SMG1: variants seen among roughly 807,000 people sequenced by gnomAD.
SMG1 encodes the protein serine/threonine-protein kinase SMG1.
A neutral mutation model predicts 419.9 loss-of-function variants in SMG1; 22 were observed. The observed-to-expected ratio is 0.05, with a 90% CI of 0.04 to 0.07. The LOEUF is 0.07. Ranked by LOEUF, SMG1 falls within the 10% of genes least tolerant of loss-of-function variation. The pLI is 1.00. For missense variants in SMG1, 3,185 were observed against 4,342.0 expected, an observed-to-expected ratio of 0.73 and a Z score of 7.49; for synonymous variants, 1,538 against 1,553.5, an observed-to-expected ratio of 0.99 and a Z score of 0.23.
At chr16:18,903,984 C>A (rs2037454952) in intron 1 of SMG1, among the ~76,000 whole-genome samples, 1 of 132,440 alleles carries the variant, frequency 7.6e-6, no homozygotes. Context: ...GTCGCGCAGG[C>A]TGAAGTGCGG....
In SMG1 at chr16:18,868,530, G is replaced by C. The variant is rs1324375790; in HGVS notation, c.3023C>G (p.Pro1008Arg). ...TATCTCATGGAAACCAACCTTGGGA[G>C]GTGAAGTTAATGCATTAGCACATCC... is the stretch of plus-strand genomic sequence containing the variant. ...YEGCANALTS[P>R]PKVIRTFFYT... Residue 1008 changes from proline (P) to arginine (R), a missense_variant, in exon 21 of 63, where the codon CCT becomes CGT. Pro to Arg is a moderately radical substitution (Grantham distance 103, BLOSUM62 -2). This residue lies in a region of SMG1 where 70 missense variants were observed against 185.7 expected (regional missense o/e 0.38). Coordinates refer to ENST00000446231, the MANE Select transcript of SMG1 (RefSeq NM_015092.5). 6.3e-7 allele frequency: 1 copy of C among 1,581,798 alleles called. No homozygotes were observed. The highest frequency in any genetic ancestry group is 1.7e-5 in the Admixed American group (1 of 59,940).
At chr16:18,907,845 C>CAAAAAAA (rs71141092) in intron 1 of SMG1, among the ~76,000 whole-genome samples, 8 of 54,960 alleles carry the variant, frequency 1.5e-4, no homozygotes, top group African/African-American at 2.6e-4. Flanking sequence ...GAACGAGACT[C>CAAAAAAA]AAAAAAAAAA....
At chr16:18,899,284 C>G (rs1460016569) in intron 1 of SMG1, among the ~76,000 whole-genome samples, 1 of 152,008 alleles carries the variant, frequency 6.6e-6, no homozygotes, top group Non-Finnish European at 1.5e-5. Context: ...AGCCGCTTCC[C>G]CGTTGGTTAG....
At chr16:18,895,964 C>G (rs926646149) in intron 3 of SMG1, 88 bp downstream of exon 3, 7 of 1,155,414 alleles carry the variant, frequency 6.1e-6, no homozygotes, top group African/African-American at 4.5e-5. Flanking sequence ...TATGCCTGTG[C>G]AAGGCGTTAG....
chr16:18,917,761 G>C (rs1239437397), intron 1 of SMG1, among the ~76,000 whole-genome samples: 1 of 151,120 alleles, frequency 6.6e-6, no homozygotes, highest in Non-Finnish European at 1.5e-5. Context: ...ATTTTTAGTA[G>C]AGACGGGGTT....
At chr16:18,866,995 C>A (rs1449926162) in intron 22 of SMG1, among the ~76,000 whole-genome samples, 4 of 152,076 alleles carry the variant, frequency 2.6e-5, no homozygotes, top group African/African-American at 9.7e-5. Context: ...GATGTTTGCA[C>A]CCCCACCCCA....
chr16:18,872,757 C>G (rs2035891733), intron 13 of SMG1, 133 bp from the exon 14 acceptor site: 2 of 776,606 alleles, frequency 2.6e-6, no homozygotes, highest in Non-Finnish European at 4.0e-6. Flanking sequence ...ATCTAGTACA[C>G]TAAACCTGGG....
chr16:18,820,780 A>G (rs973364131), intron 55 of SMG1, among the ~76,000 whole-genome samples: 1 of 152,186 alleles, frequency 6.6e-6, no homozygotes, highest in South Asian at 2.1e-4. Context: ...AAGCTTCATT[A>G]AAAAACTTTT....
In SMG1 at chr16:18,863,855, A is replaced by C. The variant is rs769845829; in HGVS notation, c.3494-4T>G. On this transcript the variant is annotated splice_polypyrimidine_tract_variant and splice_region_variant and intron_variant, in intron 24 of 62. Transcript: ENST00000446231. ...AGCACAGTTTTTCTGGATTCACCTG[A>C]AAGTATTTTATAAAATAAGAAGAGA... The C allele has an allele frequency of 7.6e-6, 12 of 1,585,020 alleles. No homozygotes were observed. The highest frequency in any genetic ancestry group is 2.7e-5 in the African/African-American group (2 of 74,242).
At chr16:18,895,725 A>C (rs748014173) in intron 3 of SMG1, among the ~76,000 whole-genome samples, 1 of 151,774 alleles carries the variant, frequency 6.6e-6, no homozygotes, top group Admixed American at 6.6e-5. Context: ...CCCCCTCTCT[A>C]TATATATCTA....
rs1168237836 is a variant in SMG1, at chr16:18,806,225, A to G, written c.*3344T>C. 1.3e-5 allele frequency: 2 copies of G among 152,680 alleles called. No homozygotes were observed. Among genetic ancestry groups the G allele is most frequent in the East Asian group, 3.8e-4 (2 of 5,200 alleles). 9.5% of individuals were successfully genotyped at this position (152,680 alleles called of 1,614,324 possible). ...ATTAAAAAAACAAAAAACAATGCAG[A>G]TAACACCAAACATTGGACAATATTA... On this transcript the variant is annotated 3_prime_UTR_variant, in exon 63 of 63. Transcript: ENST00000446231.
At chr16:18,853,943 A>G (rs2034746060) in intron 30 of SMG1, 76 bp from the exon 31 acceptor site, 7 of 1,322,504 alleles carry the variant, frequency 5.3e-6, no homozygotes, top group East Asian at 2.5e-5. Context: ...ATTAGGAAAC[A>G]AATATCAACA....
At chr16:18,812,661 C>CAT (rs71141068) in intron 60 of SMG1, among the ~76,000 whole-genome samples, 14,147 of 150,832 alleles carry the variant, frequency 0.094, 712 homozygotes, top group Middle Eastern at 0.18. Flanking sequence ...CACACACACA[C>CAT]ATATATATAT....
At chr16:18,919,590 C>T (rs555852542) in intron 1 of SMG1, among the ~76,000 whole-genome samples, 1 of 149,722 alleles carries the variant, frequency 6.7e-6, no homozygotes, top group South Asian at 2.1e-4. Flanking sequence ...CGCCACTGCA[C>T]TCTAGCCTGG....
chr16:18,910,036 C>T (rs1408420629), intron 1 of SMG1, among the ~76,000 whole-genome samples: 1 of 151,496 alleles, frequency 6.6e-6, no homozygotes, highest in East Asian at 1.9e-4. Flanking sequence ...ATATTAAGTT[C>T]CTTAAGAGAC....
At chr16:18,820,195 A>C (rs942095576) in intron 55 of SMG1, among the ~76,000 whole-genome samples, 1 of 151,698 alleles carries the variant, frequency 6.6e-6, no homozygotes. Context: ...TGAACTCCTG[A>C]CCTCATGATC....
At chr16:18,850,820 T>C (rs1358039565) in intron 33 of SMG1, among the ~76,000 whole-genome samples, 3 of 152,122 alleles carry the variant, frequency 2.0e-5, no homozygotes, top group African/African-American at 7.2e-5. Flanking sequence ...GGCACAATCA[T>C]GGCTCACTGC....
At chr16:18,919,655 TATACACACACACACAC>T (rs1166474801) in intron 1 of SMG1, among the ~76,000 whole-genome samples, 22 of 80,034 alleles carry the variant, frequency 2.7e-4, no homozygotes, top group African/African-American at 2.9e-4. Context: ...TGTGTGTATA[TATACACACACACACAC>T]ACACACACAC....
At chr16:18,810,834 C>G in intron 62 of SMG1, among the ~76,000 whole-genome samples, 1 of 152,010 alleles carries the variant, frequency 6.6e-6, no homozygotes, top group Non-Finnish European at 1.5e-5. Flanking sequence ...GAAGTTTAGG[C>G]ATGAAGTGCT....
Sources: allele counts gnomAD v4.1 joint callset (sites outside exome capture counted in the v4.1 genomes callset), GRCh38; gene constraint gnomAD v4.1.1; regional missense constraint gnomAD v4.1.1; transcripts MANE v1.5; gene names NCBI Gene and HGNC (gene_info 2026-07-23, HGNC 2026-07-21).